The following FSTL4 variants were observed in gnomAD, a reference collection of about 807,000 sequenced individuals.
FSTL4 encodes the protein follistatin-related protein 4.
In FSTL4, 28 loss-of-function variants were observed where a neutral mutation model predicts 78.2. The observed-to-expected ratio is 0.36, with a 90% CI of 0.27 to 0.49. FSTL4 has a LOEUF of 0.49. Ranked by LOEUF, FSTL4 falls within the 20% of genes least tolerant of loss-of-function variation. The pLI, the probability that FSTL4 is intolerant of heterozygous loss-of-function variation, is 0.98. For synonymous variants in FSTL4, 422 were observed against 440.5 expected (o/e 0.96, Z 0.53); for missense variants, 922 against 1,084.9 (o/e 0.85, Z 2.11).
intron 3 of FSTL4, among the ~76,000 whole-genome samples, chr5:133,447,255 T>C (rs1757288981): frequency 6.6e-6 from 1 of 152,250 alleles, no homozygotes; most frequent in Non-Finnish European, 1.5e-5. Context: ...AGCCTCTATA[T>C]GGCCAAGTGT....
Position 133,199,366 on chromosome 5 carries a change from G to A in FSTL4, c.2258C>T (p.Ala753Val), listed in dbSNP as rs763105116. The change falls in exon 16 of 16, where the codon GCG (alanine) becomes GTG (valine). Residue 753 changes from alanine to valine, a missense_variant. By Grantham distance (64) the Ala-to-Val change is moderately conservative. Transcript: ENST00000265342. The surrounding 1 kb of genome is among the most constrained non-coding windows in gnomAD (Gnocchi z 4.4). ...CAGGTCCGGCTCCGTGTGCAGAGCC[G>A]CGTAGATGTTGTATTGATTGCTTTC... ...FTESNQYNIY[A>V]ALHTEPDLLF... 14 of 1,614,028 alleles carry A rather than the reference G, an allele frequency of 8.7e-6. No individual in the cohort carries two copies. Among genetic ancestry groups the A allele is most frequent in the South Asian group, 3.3e-5 (3 of 91,082 alleles).
At chr5:133,295,327 C>A (rs1423326269) in intron 6 of FSTL4, among the ~76,000 whole-genome samples, 1 of 152,110 alleles carries the variant, frequency 6.6e-6, no homozygotes, top group African/African-American at 2.4e-5. Context: ...CAACCTGGGC[C>A]CTGGATTCCA....
At chr5:133,777,525 G>A in the FSTL4 span, among the ~76,000 whole-genome samples, 1 of 152,192 alleles carries the variant, frequency 6.6e-6, no homozygotes, top group East Asian at 1.9e-4. Flanking sequence ...CAAAATCCCA[G>A]TTGAGAATGC....
chr5:133,644,491 G>A, the FSTL4 span, among the ~76,000 whole-genome samples: 1 of 151,962 alleles, frequency 6.6e-6, no homozygotes, highest in Non-Finnish European at 1.5e-5. Context: ...ATTCCCAGTG[G>A]CCGGGCCCCA....
chr5:133,624,711 T>C, the FSTL4 span, among the ~76,000 whole-genome samples: 2 of 151,936 alleles, frequency 1.3e-5, no homozygotes, highest in East Asian at 3.8e-4. Flanking sequence ...TTGATTTCTA[T>C]AGTTATGTCT....
intron 4 of FSTL4, among the ~76,000 whole-genome samples, chr5:133,356,800 G>C (rs889882178): frequency 2.0e-5 from 3 of 152,226 alleles, no homozygotes; most frequent in Non-Finnish European, 4.4e-5. Context: ...TTTTTGGCAG[G>C]GGACCCCTCA....
At chr5:133,333,120 C>T (rs771379630) in intron 4 of FSTL4, among the ~76,000 whole-genome samples, 3 of 152,276 alleles carry the variant, frequency 2.0e-5, no homozygotes, top group South Asian at 2.1e-4. Context: ...GCACATGTGG[C>T]GGCAGCTCAG....
At chr5:133,526,576 G>C (rs1864196) in intron 3 of FSTL4, among the ~76,000 whole-genome samples, 100 of 152,276 alleles carry the variant, frequency 6.6e-4, no homozygotes, top group African/African-American at 2.2e-3. Flanking sequence ...AGGCCATTTA[G>C]ATCTCCACGT....
At chr5:133,545,580 A>C (rs1759558867) in intron 3 of FSTL4, among the ~76,000 whole-genome samples, 1 of 152,182 alleles carries the variant, frequency 6.6e-6, no homozygotes, top group Admixed American at 6.5e-5. Flanking sequence ...TACGTTACCC[A>C]CTATCAGGTA....
chr5:133,252,624 C>T (rs917670461), intron 6 of FSTL4, among the ~76,000 whole-genome samples: 3 of 71,838 alleles, frequency 4.2e-5, no homozygotes, highest in Admixed American at 1.5e-4. Context: ...GACAGGGAGA[C>T]GAGGCAGGTC....
intron 4 of FSTL4, among the ~76,000 whole-genome samples, chr5:133,369,775 TTG>T (rs1755252054): frequency 6.6e-6 from 1 of 152,214 alleles, no homozygotes; most frequent in Admixed American, 6.5e-5. Context: ...CTTGTGCCAT[TTG>T]ATTTACTGGG....
intron 3 of FSTL4, among the ~76,000 whole-genome samples, chr5:133,437,180 C>A (rs1047601283): frequency 1.3e-5 from 2 of 152,086 alleles, no homozygotes; most frequent in Non-Finnish European, 2.9e-5. Context: ...TGGGGAAAGA[C>A]CATGAGTTTA....
intron 2 of FSTL4, among the ~76,000 whole-genome samples, chr5:133,581,509 G>A (rs1035662428): frequency 2.6e-5 from 4 of 152,218 alleles, no homozygotes; most frequent in African/African-American, 4.8e-5. Context: ...CAGGAATCAC[G>A]CCAGCCTTAG....
intron 1 of FSTL4, among the ~76,000 whole-genome samples, chr5:133,609,920 A>G (rs1417280084): frequency 6.6e-6 from 1 of 152,270 alleles, no homozygotes; most frequent in Non-Finnish European, 1.5e-5. Flanking sequence ...CTCTTGAAAT[A>G]TCTAATTGCA....
At chr5:133,350,159 T>C (rs965107013) in intron 4 of FSTL4, among the ~76,000 whole-genome samples, 1 of 151,712 alleles carries the variant, frequency 6.6e-6, no homozygotes, top group Non-Finnish European at 1.5e-5. Flanking sequence ...ACTTTATGTT[T>C]GTCAGGCTGC....
chr5:133,363,086 T>G (rs1389228824), intron 4 of FSTL4, among the ~76,000 whole-genome samples: 2 of 152,188 alleles, frequency 1.3e-5, no homozygotes, highest in Non-Finnish European at 2.9e-5. Flanking sequence ...TACCTCCATT[T>G]GGGGTTTTAT....
intron 4 of FSTL4, among the ~76,000 whole-genome samples, chr5:133,396,104 G>C (rs916969600): frequency 2.6e-5 from 4 of 152,154 alleles, no homozygotes; most frequent in African/African-American, 9.7e-5. Context: ...ATTCACAGGA[G>C]GACCCACCAC....
At chr5:133,311,964 T>G (rs1581610615) in intron 6 of FSTL4, among the ~76,000 whole-genome samples, 1 of 152,162 alleles carries the variant, frequency 6.6e-6, no homozygotes, top group African/African-American at 2.4e-5. Context: ...TACGAATGGC[T>G]CTTGTATCTT....
intron 6 of FSTL4, among the ~76,000 whole-genome samples, chr5:133,281,863 G>A (rs1356101651): frequency 2.6e-5 from 4 of 152,128 alleles, no homozygotes; most frequent in Non-Finnish European, 5.9e-5. Flanking sequence ...GGGGAGTGTG[G>A]TGGCTGAAAT....
Sources: gnomAD v4.1 joint callset for allele counts (sites outside exome capture counted in the v4.1 genomes callset) on GRCh38, gnomAD v4.1.1 for gene constraint, Gnocchi (gnomAD v3.1) non-coding constraint, MANE v1.5 for transcripts, NCBI Gene and HGNC (gene_info 2026-07-23, HGNC 2026-07-21) for gene names.